Variants in NR2C2 observed in about 807,000 individuals in gnomAD.
The protein encoded by NR2C2 is Nuclear hormone receptor TR4.
NR2C2 carries 6 observed loss-of-function variants against 62.9 expected under a neutral mutation model. The ratio of observed to expected loss-of-function variants is 0.10; its 90% CI spans 0.05 to 0.19. The LOEUF is 0.19. Among genes scored for constraint, NR2C2 ranks in the 10% least tolerant of loss-of-function variants. The probability of loss-of-function intolerance (pLI) is 1.00; values close to 1 mark genes in which losing one functional copy is unlikely to be tolerated. For missense variants in NR2C2, 479 were observed against 762.7 expected, an observed-to-expected ratio of 0.63 and a Z score of 4.38; for synonymous variants, 272 against 273.8, an observed-to-expected ratio of 0.99 and a Z score of 0.07.
At chr3:15,037,400 T>C (rs2042135586) in intron 11 of NR2C2, among the ~76,000 whole-genome samples, 1 of 152,180 alleles carries the variant, frequency 6.6e-6, no homozygotes, top group Admixed American at 6.5e-5. Flanking sequence ...AGTATAATAC[T>C]AATACTGCCA....
rs376861350 is a variant in NR2C2 at position 15,034,742 on chromosome 3, C to T, written c.1305C>T (p.Ala435=). Residue 435 remains alanine (A), a synonymous_variant, in exon 11 of 14, where the codon GCC becomes GCT. Coordinates refer to ENST00000425241, the MANE Select transcript of NR2C2 (RefSeq NM_001291694.2). ...ELFTLGLAQC[A]QVMSLSTILA... The stretch of plus-strand genomic sequence containing the variant: ...TCACCCTCGGCCTGGCCCAGTGTGC[C>T]CAGGTCATGAGTCTCTCCACCATCC... 1.3e-5 allele frequency: 21 copies of T among 1,614,004 alleles called. No homozygotes were observed. The highest frequency in any genetic ancestry group is 3.3e-4 in the Middle Eastern group (2 of 6,084).
At chr3:15,023,963 G>T (rs376961989) in intron 6 of NR2C2, 152 bp from the exon 7 acceptor site, 1 of 629,176 alleles carries the variant, frequency 1.6e-6, no homozygotes, top group East Asian at 3.0e-5. Context: ...CAGGGGTGGG[G>T]GTTCTGCTTA....
At chr3:14,974,516 A>G (rs1474424048) in intron 1 of NR2C2, among the ~76,000 whole-genome samples, 1 of 152,128 alleles carries the variant, frequency 6.6e-6, no homozygotes, top group Non-Finnish European at 1.5e-5. Flanking sequence ...TCAATCCATG[A>G]ACACAGGATG....
At chr3:15,009,217 C>T (rs993345897) in intron 2 of NR2C2, among the ~76,000 whole-genome samples, 6 of 152,084 alleles carry the variant, frequency 3.9e-5, no homozygotes, top group South Asian at 2.1e-4. Flanking sequence ...AGCGAAACTC[C>T]GTCTCAAAAA....
intron 1 of NR2C2, among the ~76,000 whole-genome samples, chr3:14,949,356 C>G (rs2039272488): frequency 6.6e-6 from 1 of 152,204 alleles, no homozygotes; most frequent in African/African-American, 2.4e-5. Context: ...GCATTCCAGA[C>G]AGGACATCCC....
chr3:15,021,111 T>G (rs1311933982), intron 5 of NR2C2, among the ~76,000 whole-genome samples, 179 bp downstream of exon 5: 1 of 152,116 alleles, frequency 6.6e-6, no homozygotes, highest in Non-Finnish European at 1.5e-5. Context: ...GCTGCAGGGG[T>G]TGGTCTCTTC....
intron 1 of NR2C2, among the ~76,000 whole-genome samples, chr3:15,001,588 G>A (rs1300382835): frequency 2.0e-5 from 3 of 151,970 alleles, no homozygotes; most frequent in Non-Finnish European, 4.4e-5. Flanking sequence ...GCCTGCCTTG[G>A]CCTCCCAAAG....
In NR2C2 at chr3:15,032,361, G is replaced by A; in HGVS notation, c.1111-18G>A. On this transcript the variant is annotated intron_variant, in intron 9 of 13. Coordinates refer to ENST00000425241, the MANE Select transcript of NR2C2 (RefSeq NM_001291694.2). ...GTCCTTCCTTCACCTCCTGTGCCAT[G>A]TGCCTCCTCTTTTCCAGCTAACAAT... The A allele has an allele frequency of 6.2e-7, 1 of 1,614,180 alleles. No individual in the cohort carries two copies. The highest frequency in any genetic ancestry group is 8.5e-7 in the Non-Finnish European group (1 of 1,180,014).
chr3:14,953,365 T>TC (rs869053209), intron 1 of NR2C2, among the ~76,000 whole-genome samples: 2 of 152,018 alleles, frequency 1.3e-5, no homozygotes, highest in Admixed American at 6.6e-5. Flanking sequence ...AAAGAATATT[T>TC]CCCCCCTGTT....
At chr3:14,985,776 G>A (rs150914080) in intron 1 of NR2C2, among the ~76,000 whole-genome samples, 41 of 152,190 alleles carry the variant, frequency 2.7e-4, no homozygotes, top group African/African-American at 8.7e-4. Flanking sequence ...TTTCCAATTA[G>A]ATGCACATTT....
chr3:15,004,085 G>A, intron 2 of NR2C2, 99 bp downstream of exon 2: 1 of 931,770 alleles, frequency 1.1e-6, no homozygotes, highest in Non-Finnish European at 1.6e-6. Flanking sequence ...TGCCTTTTGG[G>A]CATGAAATAC....
At chr3:14,977,948 C>CA (rs11388882) in intron 1 of NR2C2, among the ~76,000 whole-genome samples, 12,233 of 102,326 alleles carry the variant, frequency 0.12, 599 homozygotes, top group Middle Eastern at 0.15. Flanking sequence ...GACTCTGCCT[C>CA]AAAAAAAAAA....
At chr3:15,014,605 C>T (rs1053019689) in intron 3 of NR2C2, among the ~76,000 whole-genome samples, 1 of 151,930 alleles carries the variant, frequency 6.6e-6, no homozygotes, top group African/African-American at 2.4e-5. Flanking sequence ...AACTCTTTTC[C>T]TCTTCCTAAG....
rs1282169175 is a variant in NR2C2, at chr3:14,972,193, G to A, written c.-40+24287G>A. Among the ~76,000 whole-genome samples the A allele has an allele frequency of 5.4e-5, 4 of 74,282 alleles. No individual in the cohort carries two copies. The Admixed American group carries it at 6.8e-4, about 13-fold the overall frequency. 48.7% of individuals were successfully genotyped at this position (74,282 alleles called of 152,430 possible). The stretch of plus-strand genomic sequence containing the variant: ...TTCTTTCTTTTTTTTTTTTTTTTCT[G>A]AGACAGTGTCTCATTCTGTCACCCA... On this transcript the variant is annotated intron_variant, in intron 1 of 13. Coordinates refer to ENST00000425241, the MANE Select transcript of NR2C2 (RefSeq NM_001291694.2).
At chr3:15,030,485 A>G (rs767441062) in intron 9 of NR2C2, 33 bp downstream of exon 9, 9 of 1,530,808 alleles carry the variant, frequency 5.9e-6, no homozygotes, top group African/African-American at 5.6e-5. Context: ...TGTGCCCCCA[A>G]CCTGCTGGGG....
At chr3:14,948,260 C>T (rs1391231464) in intron 1 of NR2C2, 7 of 152,618 alleles carry the variant, frequency 4.6e-5, no homozygotes, top group Non-Finnish European at 1.0e-4. Flanking sequence ...CCTTATCCTC[C>T]TCCTCCTCCC....
chr3:15,004,756 C>A, intron 2 of NR2C2: 1 of 1,039,082 alleles, frequency 9.6e-7, no homozygotes, highest in South Asian at 1.9e-5. Context: ...GCAGTTTTAT[C>A]AGTTTTTTTG....
intron 7 of NR2C2, chr3:15,026,937 G>C (rs1360513990): frequency 6.6e-6 from 1 of 152,304 alleles, no homozygotes; most frequent in Non-Finnish European, 1.5e-5. Context: ...TGCGATCTCG[G>C]CTTACTGCAG....
chr3:14,965,172 A>G (rs924473864), intron 1 of NR2C2, among the ~76,000 whole-genome samples: 5 of 152,146 alleles, frequency 3.3e-5, no homozygotes, highest in African/African-American at 7.2e-5. Context: ...TAACAAAACA[A>G]CATTATTTGA....
Sources: allele counts gnomAD v4.1 joint callset (sites outside exome capture counted in the v4.1 genomes callset), GRCh38; gene constraint gnomAD v4.1.1; transcripts MANE v1.5; gene names NCBI Gene and HGNC (gene_info 2026-07-23, HGNC 2026-07-21).